Variants in SLC35F2 observed in about 807,000 individuals in gnomAD.
SLC35F2 encodes solute carrier family 35 member F2.
Under a neutral mutation model 38.1 loss-of-function variants are expected in SLC35F2, and 25 were observed. The observed-to-expected ratio is 0.66, with a 90% confidence interval of 0.48 to 0.92. The LOEUF (loss-of-function observed/expected upper bound fraction) is 0.92. Ranked by LOEUF, SLC35F2 falls within the 40% of genes least tolerant of loss-of-function variation. SLC35F2 has a pLI of 0.00. For synonymous variants in SLC35F2, 173 were observed against 181.7 expected, an observed-to-expected ratio of 0.95 and a Z score of 0.38; for missense variants, 409 against 452.9, an observed-to-expected ratio of 0.90 and a Z score of 0.88.
chr11:107,797,988 AT>A (rs950063463), intron 7 of SLC35F2, among the ~76,000 whole-genome samples: 5 of 111,014 alleles, frequency 4.5e-5, no homozygotes, highest in Admixed American at 9.3e-5. Flanking sequence ...GGTATTTTTT[AT>A]TTTTTTTTGT....
intron 1 of SLC35F2, among the ~76,000 whole-genome samples, chr11:107,853,643 C>T: frequency 6.7e-6 from 1 of 149,740 alleles, no homozygotes. Context: ...TGGCGTGAAC[C>T]CGGGAGGCGG....
At chr11:107,832,662 CG>C (rs1859864047) in intron 1 of SLC35F2, among the ~76,000 whole-genome samples, 1 of 151,728 alleles carries the variant, frequency 6.6e-6, no homozygotes, top group South Asian at 2.1e-4. Flanking sequence ...AAAAATTAGC[CG>C]GGTATGATGG....
chr11:107,810,430 C>G, intron 3 of SLC35F2: 3 of 984,584 alleles, frequency 3.0e-6, no homozygotes, highest in Non-Finnish European at 3.6e-6. Flanking sequence ...GAATTGTAAT[C>G]AAGTAATTAA....
intron 1 of SLC35F2, among the ~76,000 whole-genome samples, chr11:107,818,134 A>AAGAAAGAG (rs71470862): frequency 2.7e-5 from 4 of 147,238 alleles, no homozygotes; most frequent in Admixed American, 6.8e-5. Flanking sequence ...GAAAGAAAGA[A>AAGAAAGAG]AAAGAAACAA....
chr11:107,817,836 G>T (rs1047659643), intron 1 of SLC35F2, among the ~76,000 whole-genome samples: 1 of 150,584 alleles, frequency 6.6e-6, no homozygotes, highest in Non-Finnish European at 1.5e-5. Context: ...GAGGCAGGCG[G>T]ATCACAAAGT....
chr11:107,843,868 A>ATATATAT (rs1484039784), intron 1 of SLC35F2, among the ~76,000 whole-genome samples: 5 of 46,830 alleles, frequency 1.1e-4, no homozygotes, highest in Non-Finnish European at 1.5e-4. Flanking sequence ...AAAAAAAAAA[A>ATATATAT]ATATATATAT....
intron 1 of SLC35F2, among the ~76,000 whole-genome samples, chr11:107,830,910 AAAT>A (rs1859829845): frequency 6.6e-6 from 1 of 152,176 alleles, no homozygotes; most frequent in Non-Finnish European, 1.5e-5. Context: ...TCCTGGCAAA[AAAT>A]AATAATAAAA....
intron 1 of SLC35F2, among the ~76,000 whole-genome samples, chr11:107,833,900 A>T (rs1365635879): frequency 6.6e-6 from 1 of 152,238 alleles, no homozygotes; most frequent in Non-Finnish European, 1.5e-5. Context: ...GGTTACAGAG[A>T]GATAAACAAT....
At chr11:107,818,988 T>TG (rs926037146) in intron 1 of SLC35F2, among the ~76,000 whole-genome samples, 19 of 151,912 alleles carry the variant, frequency 1.3e-4, no homozygotes, top group African/African-American at 2.2e-4. Context: ...TTTAAAAAAG[T>TG]GGGGGGGTGG....
intron 1 of SLC35F2, among the ~76,000 whole-genome samples, chr11:107,823,761 T>C (rs1033796157): frequency 6.6e-6 from 1 of 151,920 alleles, no homozygotes; most frequent in Non-Finnish European, 1.5e-5. Context: ...AAACCCCATA[T>C]CTACTAAAAG....
At chr11:107,851,851 C>T (rs951734683) in intron 1 of SLC35F2, among the ~76,000 whole-genome samples, 4 of 152,064 alleles carry the variant, frequency 2.6e-5, no homozygotes, top group Admixed American at 6.6e-5. Context: ...CAGGGAACTG[C>T]ACAAGCCACA....
chr11:107,796,571 A>G (rs753648211), intron 7 of SLC35F2, among the ~76,000 whole-genome samples: 1 of 152,238 alleles, frequency 6.6e-6, no homozygotes, highest in Non-Finnish European at 1.5e-5. Flanking sequence ...GAGAGCTTAA[A>G]AAGTCAATCT....
chr11:107,805,064 T>C, intron 5 of SLC35F2: 1 of 985,378 alleles, frequency 1.0e-6, no homozygotes, highest in Non-Finnish European at 1.2e-6. Context: ...GTGTTAATAT[T>C]TTCTGGAAAT....
intron 1 of SLC35F2, among the ~76,000 whole-genome samples, chr11:107,838,581 T>A (rs991621014): frequency 2.0e-5 from 3 of 149,830 alleles, no homozygotes; most frequent in African/African-American, 7.4e-5. Flanking sequence ...CATCTCGGCC[T>A]CCCAAAGTGC....
intron 3 of SLC35F2, chr11:107,810,527 G>A (rs755439430): frequency 8.1e-6 from 8 of 985,260 alleles, no homozygotes; most frequent in Non-Finnish European, 9.6e-6. Flanking sequence ...AACGCTAAAA[G>A]TACACTTACT....
At chr11:107,811,355 T>A in intron 3 of SLC35F2, 1 of 550,052 alleles carries the variant, frequency 1.8e-6, no homozygotes, top group Non-Finnish European at 2.3e-6. Flanking sequence ...ATATGCCATG[T>A]TTGAGCAGCA....
At chr11:107,850,357 T>C (rs1269491310) in intron 1 of SLC35F2, among the ~76,000 whole-genome samples, 1 of 152,114 alleles carries the variant, frequency 6.6e-6, no homozygotes, top group African/African-American at 2.4e-5. Context: ...GTAAAAACAA[T>C]AGACTAAATC....
chr11:107,811,576 AG>A, intron 3 of SLC35F2, 90 bp downstream of exon 3: 1 of 1,245,234 alleles, frequency 8.0e-7, no homozygotes, highest in South Asian at 1.6e-5. Flanking sequence ...TCAAGTGAAT[AG>A]ATTTTCAATA....
At chr11:107,799,122 C>T (rs1372011192) in intron 7 of SLC35F2, among the ~76,000 whole-genome samples, 1 of 152,162 alleles carries the variant, frequency 6.6e-6, no homozygotes, top group African/African-American at 2.4e-5. Flanking sequence ...TCATTATGCT[C>T]TGAGTTTTTT....
Sources: allele counts gnomAD v4.1 joint callset (sites outside exome capture counted in the v4.1 genomes callset), GRCh38; gene constraint gnomAD v4.1.1; transcripts MANE v1.5; gene names NCBI Gene and HGNC (gene_info 2026-07-23, HGNC 2026-07-21).